Variants in PUS1 observed in about 807,000 individuals in gnomAD.
The protein encoded by PUS1 is pseudouridylate synthase 1 homolog.
A neutral mutation model predicts 38.5 loss-of-function variants in PUS1; 25 were observed. The ratio of observed to expected loss-of-function variants is 0.65; its 90% CI spans 0.47 to 0.91. PUS1 has a LOEUF of 0.91. Ranked by LOEUF, PUS1 falls within the 40% of genes least tolerant of loss-of-function variation. The pLI, the probability that PUS1 is intolerant of heterozygous loss-of-function variation, is 0.00. For missense variants in PUS1, 597 were observed against 612.3 expected (o/e 0.97, Z 0.26); for synonymous variants, 282 against 260.4 (o/e 1.08, Z -0.80).
intron 3 of PUS1, among the ~76,000 whole-genome samples, chr12:131,938,836 C>A (rs553784902): frequency 6.6e-6 from 1 of 151,904 alleles, no homozygotes; most frequent in African/African-American, 2.4e-5. Flanking sequence ...ATTCTCCTGC[C>A]TCAGCCTCCC....
At chr12:131,942,462 A>C (rs1054111502) in intron 5 of PUS1, among the ~76,000 whole-genome samples, 1 of 151,934 alleles carries the variant, frequency 6.6e-6, no homozygotes, top group Admixed American at 6.5e-5. Context: ...GCTGGAGTGC[A>C]GTGGCGCGAT....
chr12:131,934,382 G>A (rs899225582), intron 3 of PUS1, among the ~76,000 whole-genome samples: 21 of 152,134 alleles, frequency 1.4e-4, no homozygotes, highest in Admixed American at 2.6e-4. Flanking sequence ...CCAGTAGTCC[G>A]GGGAGCCTTC....
intron 5 of PUS1, among the ~76,000 whole-genome samples, chr12:131,943,283 C>T (rs1593298486): frequency 6.6e-6 from 1 of 152,218 alleles, no homozygotes; most frequent in Non-Finnish European, 1.5e-5. Flanking sequence ...TTATTTTCCC[C>T]TGTGGTCAGT....
Position 131,943,654 on chromosome 12 carries a change from T to C in PUS1, c.*68T>C. On this transcript the variant is annotated 3_prime_UTR_variant, in exon 6 of 6. Coordinates refer to ENST00000376649, the MANE Select transcript of PUS1 (RefSeq NM_025215.6). The stretch of plus-strand genomic sequence containing the variant: ...AGTGTGTGCCCAGATGTGCCACCCC[T>C]GTGGGCAGCAAGAAGCTGGGATCGC... 2 of 1,318,854 alleles carry C rather than the reference T, an allele frequency of 1.5e-6. No individual in the cohort carries two copies. The highest frequency in any genetic ancestry group is 1.2e-5 in the South Asian group (1 of 85,134). 81.7% of individuals were successfully genotyped at this position (1,318,854 alleles called of 1,614,324 possible). A position where few individuals can be genotyped will look rare whatever the true frequency, so the allele number is the denominator to read the frequency against.
At chr12:131,942,655 CT>C (rs1274951896) in intron 5 of PUS1, among the ~76,000 whole-genome samples, 24 of 152,336 alleles carry the variant, frequency 1.6e-4, no homozygotes, top group African/African-American at 5.5e-4. Context: ...ATCCACCCGC[CT>C]TGGCCTCCCA....
chr12:131,937,851 T>C (rs554591222), intron 3 of PUS1, among the ~76,000 whole-genome samples: 28 of 152,238 alleles, frequency 1.8e-4, no homozygotes, highest in Admixed American at 1.5e-3. Context: ...TGGCCTTTTC[T>C]ATCTTAAAAT....
At chr12:131,942,635 T>C (rs532024296) in intron 5 of PUS1, among the ~76,000 whole-genome samples, 2 of 152,212 alleles carry the variant, frequency 1.3e-5, no homozygotes, top group East Asian at 1.9e-4. Flanking sequence ...CTTGATCTCC[T>C]GACCTTGTGA....
In PUS1 at chr12:131,941,650, G is replaced by C; in HGVS notation, c.903G>C (p.Val301=). 1 of 1,614,184 alleles carries C rather than the reference G, an allele frequency of 6.2e-7. No individual in the cohort carries two copies. The highest frequency in any genetic ancestry group is 1.1e-5 in the South Asian group (1 of 91,088). The change falls in exon 5 of 6, where the codon GTG becomes GTC. Residue 301 remains valine (V), a synonymous_variant. Coordinates refer to ENST00000376649, the MANE Select transcript of PUS1 (RefSeq NM_025215.6). This position sits in a 1 kb window ranked among gnomAD's most constrained non-coding sequence, Gnocchi z 4.4. ...MHQIRKMVGL[V]VAIVKGYAPE... ...AGATCCGGAAGATGGTCGGCCTGGT[G>C]GTGGCCATTGTGAAGGGTTATGCCC... is the stretch of plus-strand genomic sequence containing the variant.
intron 2 of PUS1, among the ~76,000 whole-genome samples, chr12:131,930,801 T>A (rs931135524): frequency 6.6e-6 from 1 of 152,128 alleles, no homozygotes; most frequent in East Asian, 1.9e-4. Flanking sequence ...TAATTTTTTT[T>A]ATAATTTGCA....
At chr12:131,938,615 A>G (rs774266130) in intron 3 of PUS1, among the ~76,000 whole-genome samples, 3 of 152,050 alleles carry the variant, frequency 2.0e-5, no homozygotes, top group Non-Finnish European at 4.4e-5. Context: ...CTCCAGGGCC[A>G]CTGCAGTTCT....
chr12:131,941,116 C>T lies in PUS1; in HGVS notation c.545-176C>T. 1.6e-6 allele frequency: 1 copy of T among 634,966 alleles called. No homozygotes were observed. The highest frequency in any genetic ancestry group is 1.8e-5 in the African/African-American group (1 of 55,720). 39.3% of individuals were successfully genotyped at this position (634,966 alleles called of 1,614,324 possible). ...ACCTGTCCCTCCTGTCCATCGTCCT[C>T]CTGTGCCTGTTCCCCAGCCTGTGGC... On this transcript the variant is annotated intron_variant, in intron 4 of 5. Transcript: ENST00000376649. This position sits in a 1 kb window ranked among gnomAD's most constrained non-coding sequence, Gnocchi z 4.4.
Position 131,941,932 on chromosome 12 carries a change from C to T in PUS1, c.1185C>T (p.Pro395=), listed in dbSNP as rs747471881. 9.3e-6 allele frequency: 15 copies of T among 1,613,120 alleles called. No individual in the cohort carries two copies. Among genetic ancestry groups the T allele is most frequent in the Non-Finnish European group, 1.2e-5 (14 of 1,180,030 alleles). The change falls in exon 5 of 6, where the codon CCC becomes CCT. Residue 395 remains proline, a synonymous_variant. Coordinates refer to ENST00000376649, the MANE Select transcript of PUS1 (RefSeq NM_025215.6). This position sits in a 1 kb window ranked among gnomAD's most constrained non-coding sequence, Gnocchi z 4.4. The part of the protein sequence containing the change: ...RSMAQWLSTL[P]IHNFSATALT... ...TGGCCCAGTGGCTGAGCACCTTGCC[C>T]ATCCACAACTTCAGTGCCACCGCTC...
Position 131,941,106 on chromosome 12 carries a change from C to T in PUS1, c.545-186C>T. On this transcript the variant is annotated intron_variant, in intron 4 of 5. Transcript: ENST00000376649. This position sits in a 1 kb window ranked among gnomAD's most constrained non-coding sequence, Gnocchi z 4.4. ...AGAGCACTGCACCTGTCCCTCCTGTCCATCGTCCTCCTGTGCCTGTTCCCC... is the reference window on the plus strand; with the variant it reads ...AGAGCACTGCACCTGTCCCTCCTGTTCATCGTCCTCCTGTGCCTGTTCCCC... 1.6e-6 allele frequency: 1 copy of T among 615,132 alleles called. No individual in the cohort carries two copies. Among genetic ancestry groups the T allele is most frequent in the Non-Finnish European group, 2.9e-6 (1 of 342,466 alleles). The allele number at this position is 615,132 out of a possible 1,614,324, so 38.1% of individuals were successfully genotyped here. A position where few individuals can be genotyped will look rare whatever the true frequency, so the allele number is the denominator to read the frequency against.
Position 131,929,680 on chromosome 12 carries a change from G to C in PUS1, c.-43G>C, listed in dbSNP as rs768530474. On this transcript the variant is annotated 5_prime_UTR_variant, in exon 1 of 6. Coordinates refer to ENST00000376649, the MANE Select transcript of PUS1 (RefSeq NM_025215.6). ...CGGAGCTGGGGCACTGGGGGTCAGG[G>C]GTCGGGGATCAGGGCGGGGTCGGGT... 1 of 1,512,536 alleles carries C rather than the reference G, an allele frequency of 6.6e-7. No individual in the cohort carries two copies. The allele number at this position is 1,512,536 out of a possible 1,614,324, so 93.7% of individuals were successfully genotyped here. A position where few individuals can be genotyped will look rare whatever the true frequency, so the allele number is the denominator to read the frequency against.
At chr12:131,931,884 G>C in intron 2 of PUS1, 4 of 599,204 alleles carry the variant, frequency 6.7e-6, no homozygotes. Flanking sequence ...AGCACCCACG[G>C]CACTGATTTT....
intron 3 of PUS1, among the ~76,000 whole-genome samples, chr12:131,936,401 A>G (rs1890834956): frequency 7.1e-6 from 1 of 140,024 alleles, no homozygotes; most frequent in African/African-American, 2.7e-5. Flanking sequence ...CGTCTCTACT[A>G]AAAATACAAA....
chr12:131,929,985 C>T lies in PUS1; in HGVS notation c.153C>T (p.Gly51=), dbSNP rs763990470. ...CCCAGGACCGGAGGTCCTGCAGCGG[C>T]CGGGCCGGGGGCGACCGCGTCTGGG... ...ACPQDRRSCS[G]RAGGDRVWED... The change falls in exon 2 of 6, where the codon GGC becomes GGT. Residue 51 remains glycine (G), a synonymous_variant. Transcript: ENST00000376649. 1.3e-6 allele frequency: 2 copies of T among 1,497,000 alleles called. No homozygotes were observed. The highest frequency in any genetic ancestry group is 1.8e-6 in the Non-Finnish European group (2 of 1,134,582). 92.7% of individuals were successfully genotyped at this position (1,497,000 alleles called of 1,614,324 possible). A position where few individuals can be genotyped will look rare whatever the true frequency, so the allele number is the denominator to read the frequency against.
In PUS1 at chr12:131,943,913, A is replaced by G. The variant is rs927859095; in HGVS notation, c.*327A>G. 8.3e-6 allele frequency: 3 copies of G among 360,066 alleles called. No individual in the cohort carries two copies. The highest frequency in any genetic ancestry group is 2.2e-5 in the South Asian group (1 of 45,376). 22.3% of individuals were successfully genotyped at this position (360,066 alleles called of 1,614,324 possible). A position where few individuals can be genotyped will look rare whatever the true frequency, so the allele number is the denominator to read the frequency against. On this transcript the variant is annotated 3_prime_UTR_variant, in exon 6 of 6. Transcript: ENST00000376649. ...TTTAACATTTTTTTCGTCCACAGAGATGAGCACAGCATGGTGTCCCGTTGA... is the reference window on the plus strand; with the variant it reads ...TTTAACATTTTTTTCGTCCACAGAGGTGAGCACAGCATGGTGTCCCGTTGA...
rs766395243 is a variant in PUS1 at position 131,941,962 on chromosome 12, G to A, written c.1215G>A (p.Thr405=). ...ACAACTTCAGTGCCACCGCTCTCAC[G>A]GCAGGTGGCACGGGCGCCAAGGTAG... ...PIHNFSATAL[T]AGGTGAKVPS... is the part of the protein sequence containing the mutation. The change falls in exon 5 of 6, where the codon ACG becomes ACA. Residue 405 remains threonine, a synonymous_variant. Transcript: ENST00000376649. This position sits in a 1 kb window ranked among gnomAD's most constrained non-coding sequence, Gnocchi z 4.4. 1.1e-5 allele frequency: 18 copies of A among 1,612,516 alleles called. No individual in the cohort carries two copies. The East Asian group carries it at 1.3e-4, about 12-fold the overall frequency.
Sources: allele counts gnomAD v4.1 joint callset (sites outside exome capture counted in the v4.1 genomes callset), GRCh38; gene constraint gnomAD v4.1.1; non-coding constraint Gnocchi (gnomAD v3.1); transcripts MANE v1.5; gene names NCBI Gene and HGNC (gene_info 2026-07-23, HGNC 2026-07-21).